The following SGK1 variants were observed in gnomAD, a reference collection of about 807,000 sequenced individuals.
SGK1 encodes serine/threonine-protein kinase Sgk1.
Under a neutral mutation model 64.2 loss-of-function variants are expected in SGK1, and 26 were observed. The observed-to-expected ratio is 0.40, with a 90% confidence interval of 0.30 to 0.56. The LOEUF (loss-of-function observed/expected upper bound fraction) is 0.56. SGK1 is among the 20% of genes least tolerant of loss of function. The probability of loss-of-function intolerance (pLI) is 0.38; values close to 1 mark genes in which losing one functional copy is unlikely to be tolerated. For missense variants in SGK1, 519 were observed against 645.6 expected (o/e 0.80, Z 2.12); for synonymous variants, 265 against 239.7 (o/e 1.11, Z -0.98).
At chr6:134,303,269 G>C (rs955186421) in intron 1 of SGK1, among the ~76,000 whole-genome samples, 2 of 151,960 alleles carry the variant, frequency 1.3e-5, no homozygotes, top group Non-Finnish European at 2.9e-5. Flanking sequence ...GCAGGCGCCT[G>C]TAATCCCAGC....
chr6:134,194,304 G>A (rs1775563339), intron 3 of SGK1, among the ~76,000 whole-genome samples: 1 of 151,956 alleles, frequency 6.6e-6, no homozygotes, highest in African/African-American at 2.4e-5. Context: ...ATCACAGGAT[G>A]CCAACTGATC....
intron 1 of SGK1, among the ~76,000 whole-genome samples, chr6:134,308,946 G>A (rs780696945): frequency 3.3e-5 from 5 of 152,166 alleles, no homozygotes; most frequent in African/African-American, 4.8e-5. Context: ...AAGAGAGAGA[G>A]ACAGGAGAGA....
chr6:134,250,491 A>C (rs1189872010), intron 2 of SGK1, among the ~76,000 whole-genome samples: 1 of 152,222 alleles, frequency 6.6e-6, no homozygotes, highest in Non-Finnish European at 1.5e-5. Flanking sequence ...AACATCAATG[A>C]CAAGTAAAAA....
chr6:134,302,892 C>T (rs1271103880), intron 1 of SGK1, among the ~76,000 whole-genome samples: 1 of 151,898 alleles, frequency 6.6e-6, no homozygotes, highest in Non-Finnish European at 1.5e-5. Flanking sequence ...CTAGCTGAGA[C>T]TACAGGTGTG....
intron 2 of SGK1, among the ~76,000 whole-genome samples, chr6:134,225,532 G>A (rs1776161922): frequency 1.3e-5 from 2 of 152,150 alleles, no homozygotes; most frequent in Admixed American, 6.5e-5. Context: ...GGTTTCCCTA[G>A]ATCTGGAATA....
At chr6:134,255,130 A>G (rs1335421406) in intron 2 of SGK1, among the ~76,000 whole-genome samples, 2 of 152,114 alleles carry the variant, frequency 1.3e-5, no homozygotes, top group African/African-American at 4.8e-5. Context: ...CGGCCTCCCA[A>G]AGTGCTGGGA....
At chr6:134,301,642 G>A (rs748377788) in intron 1 of SGK1, among the ~76,000 whole-genome samples, 5 of 151,934 alleles carry the variant, frequency 3.3e-5, no homozygotes. Context: ...CCAGGCTGGA[G>A]TGTAGTGGTG....
intron 11 of SGK1, 33 bp from the exon 12 acceptor site, chr6:134,171,211 T>C: frequency 1.9e-6 from 3 of 1,607,794 alleles, no homozygotes; most frequent in Non-Finnish European, 2.6e-6. Flanking sequence ...TTAGACTTAA[T>C]TGGAAGTTTC....
chr6:134,296,788 A>G (rs554016803), intron 1 of SGK1, among the ~76,000 whole-genome samples: 6 of 151,624 alleles, frequency 4.0e-5, no homozygotes, highest in Admixed American at 3.3e-4. Context: ...AAAAAAAAAA[A>G]AAAAAAAAAA....
intron 1 of SGK1, among the ~76,000 whole-genome samples, chr6:134,265,633 CAT>C (rs887925653): frequency 1.7e-4 from 22 of 127,788 alleles, no homozygotes; most frequent in South Asian, 9.3e-4. Flanking sequence ...TATATATATA[CAT>C]ATATATATAC....
At chr6:134,299,982 G>A (rs1022040243) in intron 1 of SGK1, among the ~76,000 whole-genome samples, 9 of 152,012 alleles carry the variant, frequency 5.9e-5, no homozygotes, top group Non-Finnish European at 1.3e-4. Context: ...AAAACACACA[G>A]CAGATAACTG....
At position 134,173,544 on chromosome 6, in the gene SGK1, T is replaced by C. The variant is rs1414171967; in HGVS notation, c.536A>G (p.Asn179Ser). 3.1e-6 allele frequency: 5 copies of C among 1,610,026 alleles called. No homozygotes were observed. The highest frequency in any genetic ancestry group is 4.2e-6 in the Non-Finnish European group (5 of 1,178,930). Residue 179 changes from asparagine to serine, a missense_variant, in exon 6 of 14, where the codon AAC becomes AGC. This residue lies in a region of SGK1 where 241 missense variants were observed against 236.9 expected (regional missense o/e 1.02). Transcript: ENST00000367858. Reference protein sequence around the residue: ...SPPPSPSQQINLGPSSNPHAK... With the variant: ...SPPPSPSQQISLGPSSNPHAK... ...ATGAGGATTGGACGACGGGCCAAGG[T>C]TGATTTGCTGAGAAGGACTTGGCTA...
At chr6:134,298,784 CTTAT>C (rs139148949) in intron 1 of SGK1, 49,974 of 276,658 alleles carry the variant, frequency 0.18, 7,649 homozygotes, top group East Asian at 0.69. Context: ...GCATTCAGCT[CTTAT>C]TTATTTATTT....
chr6:134,246,661 C>T (rs1472304381), intron 2 of SGK1, among the ~76,000 whole-genome samples: 2 of 151,744 alleles, frequency 1.3e-5, no homozygotes, highest in East Asian at 1.9e-4. Context: ...GGTGTGATCT[C>T]GGCTCACTGC....
intron 9 of SGK1, 85 bp from the exon 10 acceptor site, chr6:134,172,401 T>C: frequency 7.3e-7 from 1 of 1,368,266 alleles, no homozygotes. Flanking sequence ...CTAAAGGTAT[T>C]AGAGGCATTT....
chr6:134,297,909 T>C (rs1340175871), intron 1 of SGK1: 10 of 806,276 alleles, frequency 1.2e-5, no homozygotes, highest in Admixed American at 8.6e-5. Flanking sequence ...CCGGCTGCGG[T>C]TGGTGATCTC....
chr6:134,223,917 C>A (rs976028052), intron 2 of SGK1, among the ~76,000 whole-genome samples: 1 of 152,214 alleles, frequency 6.6e-6, no homozygotes, highest in African/African-American at 2.4e-5. Flanking sequence ...CCTTGGCTTG[C>A]ACAGAAAGTG....
chr6:134,278,983 G>A (rs1324174030), intron 1 of SGK1, among the ~76,000 whole-genome samples: 1 of 152,172 alleles, frequency 6.6e-6, no homozygotes, highest in East Asian at 1.9e-4. Context: ...TGCATTTCAG[G>A]ACAGCTACAT....
intron 3 of SGK1, among the ~76,000 whole-genome samples, chr6:134,186,876 G>A (rs1237569088): frequency 6.6e-6 from 1 of 151,950 alleles, no homozygotes; most frequent in Non-Finnish European, 1.5e-5. Flanking sequence ...GAGTGCATGG[G>A]TGTGATCTCG....
Sources: gnomAD v4.1 joint callset for allele counts (sites outside exome capture counted in the v4.1 genomes callset) on GRCh38, gnomAD v4.1.1 for gene constraint, gnomAD v4.1.1 regional missense constraint, MANE v1.5 for transcripts, NCBI Gene and HGNC (gene_info 2026-07-23, HGNC 2026-07-21) for gene names.